Variants in GLRA2 observed in about 807,000 individuals in gnomAD.
GLRA2 encodes glycine receptor subunit alpha-2.
Under a neutral mutation model 31.6 loss-of-function variants are expected in GLRA2, and 11 were observed. That is an observed-to-expected ratio of 0.35 (90% CI 0.22 to 0.58). The LOEUF (loss-of-function observed/expected upper bound fraction) is 0.58. Among genes scored for constraint, GLRA2 ranks in the 20% least tolerant of loss-of-function variants. GLRA2 has a pLI of 0.84. For synonymous variants in GLRA2, 132 were observed against 134.0 expected, an observed-to-expected ratio of 0.99 and a Z score of 0.10; for missense variants, 212 against 351.8, an observed-to-expected ratio of 0.60 and a Z score of 3.18.
At chrX:14,585,093 G>A (rs185763754) in intron 4 of GLRA2, among the ~76,000 whole-genome samples, 11 of 111,470 alleles carry the variant, frequency 9.9e-5, no homozygotes, top group African/African-American at 3.6e-4. Context: ...TCCTGTGCAG[G>A]CTATTTTATA....
chrX:14,529,001 T>C (rs1818044266), upstream of GLRA2, among the ~76,000 whole-genome samples: 1 of 111,305 alleles, frequency 9.0e-6, no homozygotes, highest in East Asian at 2.8e-4. Context: ...GAGGAAGGCA[T>C]AAAGGACTTC....
At chrX:14,607,643 G>T (rs892965083) in intron 6 of GLRA2, among the ~76,000 whole-genome samples, 2 of 111,493 alleles carry the variant, frequency 1.8e-5, no homozygotes, top group African/African-American at 6.5e-5. Flanking sequence ...GGATGCTTAG[G>T]TCAATTTGCA....
the GLRA2 span, among the ~76,000 whole-genome samples, chrX:14,483,514 C>A: frequency 8.9e-6 from 1 of 112,107 alleles, no homozygotes; most frequent in Non-Finnish European, 1.9e-5. Flanking sequence ...TGTTAACTTG[C>A]ATTATCTGAC....
At chrX:14,479,081 C>T in the GLRA2 span, among the ~76,000 whole-genome samples, 5 of 108,557 alleles carry the variant, frequency 4.6e-5, no homozygotes, top group Admixed American at 9.9e-5. Flanking sequence ...CAAAGAATGC[C>T]GGAATGAGAG....
intron 4 of GLRA2, among the ~76,000 whole-genome samples, chrX:14,601,232 A>G (rs1402407555): frequency 1.8e-5 from 2 of 111,711 alleles, no homozygotes; most frequent in African/African-American, 6.5e-5. Context: ...AGTTGTTTAG[A>G]ACTATAAGCC....
chrX:14,525,292 G>T (rs1442458416), upstream of GLRA2, among the ~76,000 whole-genome samples: 1 of 111,196 alleles, frequency 9.0e-6, no homozygotes, highest in Admixed American at 9.6e-5. Flanking sequence ...TTACAGTTTG[G>T]TAAGTTAGAG....
chrX:14,496,563 C>G, the GLRA2 span, among the ~76,000 whole-genome samples: 1 of 111,861 alleles, frequency 8.9e-6, no homozygotes, highest in Non-Finnish European at 1.9e-5. Context: ...ACCCTGCTTT[C>G]CAACATTATC....
chrX:14,533,934 A>G (rs965031512), intron 2 of GLRA2, among the ~76,000 whole-genome samples: 3 of 111,799 alleles, frequency 2.7e-5, no homozygotes, highest in African/African-American at 9.7e-5. Context: ...AGGTCCAGAG[A>G]TGGAAAATTG....
chrX:14,472,345 T>C, the GLRA2 span, among the ~76,000 whole-genome samples: 1 of 112,108 alleles, frequency 8.9e-6, no homozygotes, highest in Non-Finnish European at 1.9e-5. Context: ...TTTGACAATC[T>C]CATATGGCAT....
At chrX:14,729,688 C>G (rs1040388734) in intron 8 of GLRA2, among the ~76,000 whole-genome samples, 23 of 110,951 alleles carry the variant, frequency 2.1e-4, no homozygotes, top group African/African-American at 7.2e-4. Context: ...AAGGGGCTCA[C>G]CTTAGATGTA....
chrX:14,581,114 G>A lies in GLRA2; in HGVS notation c.271-69G>A, dbSNP rs2090011759. 6.1e-6 allele frequency: 4 copies of A among 657,185 alleles called. No homozygotes were observed. The South Asian group carries it at 6.8e-5, about 11-fold the overall frequency. The allele number at this position is 657,185 out of a possible 1,213,427, so 54.2% of individuals were successfully genotyped here. On this transcript the variant is annotated intron_variant, in intron 3 of 8. Transcript: ENST00000218075. Reference sequence around the variant, plus strand: ...GCTGTATCAAATCAGGGAGAAGAATGAGAGAGAAATGCAAATAGAACTCCT... The same window carrying A: ...GCTGTATCAAATCAGGGAGAAGAATAAGAGAGAAATGCAAATAGAACTCCT...
intron 7 of GLRA2, among the ~76,000 whole-genome samples, chrX:14,675,215 CAG>C (rs1381565853): frequency 9.0e-6 from 1 of 111,478 alleles, no homozygotes; most frequent in Non-Finnish European, 1.9e-5. Context: ...TGCCTTTCTG[CAG>C]AGTGTCCCTA....
chrX:14,501,855 A>G, the GLRA2 span, among the ~76,000 whole-genome samples: 1 of 111,425 alleles, frequency 9.0e-6, no homozygotes, highest in Non-Finnish European at 1.9e-5. Flanking sequence ...GGAAGCTAGA[A>G]GTCTGAGATC....
chrX:14,507,678 C>T, the GLRA2 span, among the ~76,000 whole-genome samples: 1 of 73,437 alleles, frequency 1.4e-5, no homozygotes, highest in South Asian at 6.3e-4. Context: ...TATATCACTA[C>T]GAAAGACATT....
chrX:14,477,102 G>A, the GLRA2 span, among the ~76,000 whole-genome samples: 1 of 111,393 alleles, frequency 9.0e-6, no homozygotes, highest in African/African-American at 3.3e-5. Context: ...AACGCCTTGA[G>A]TGCTTCCCAG....
In GLRA2 at chrX:14,532,118, G is replaced by A. The variant is rs2089263679; in HGVS notation, c.69-121G>A. The A allele has an allele frequency of 1.1e-5, 5 of 460,370 alleles. No homozygotes were observed. The South Asian group carries it at 3.7e-4, about 34-fold the overall frequency. 37.9% of individuals were successfully genotyped at this position (460,370 alleles called of 1,213,427 possible). A position where few individuals can be genotyped will look rare whatever the true frequency, so the allele number is the denominator to read the frequency against. The stretch of plus-strand genomic sequence containing the variant: ...TGGCCAAAGAGTTTGGATTTTTCTA[G>A]TTTTCTTCATACTAACATATCAAAT... On this transcript the variant is annotated intron_variant, in intron 1 of 8. Coordinates refer to ENST00000218075, the MANE Select transcript of GLRA2 (RefSeq NM_002063.4).
intron 7 of GLRA2, among the ~76,000 whole-genome samples, chrX:14,623,819 TTG>T (rs2090552814): frequency 9.0e-6 from 1 of 111,519 alleles, no homozygotes; most frequent in African/African-American, 3.3e-5. Context: ...TCTTTTTTTG[TTG>T]TGTCTCTGCC....
the GLRA2 span, among the ~76,000 whole-genome samples, chrX:14,502,348 A>G: frequency 8.9e-6 from 1 of 112,450 alleles, no homozygotes; most frequent in Non-Finnish European, 1.9e-5. Context: ...GTTAACTATT[A>G]TTAGCATCTT....
intron 2 of GLRA2, among the ~76,000 whole-genome samples, chrX:14,550,461 T>G (rs1185356118): frequency 9.1e-6 from 1 of 110,032 alleles, no homozygotes; most frequent in African/African-American, 3.3e-5. Flanking sequence ...ATAATAAGTT[T>G]TACAGGTGGA....
Sources: allele counts gnomAD v4.1 joint callset (sites outside exome capture counted in the v4.1 genomes callset), GRCh38; gene constraint gnomAD v4.1.1; transcripts MANE v1.5; gene names NCBI Gene and HGNC (gene_info 2026-07-23, HGNC 2026-07-21).